The following KIAA1217 variants were observed in gnomAD, a reference collection of about 807,000 sequenced individuals.
The protein encoded by KIAA1217 is sickle tail protein homolog.
In KIAA1217, 88 loss-of-function variants were observed where a neutral mutation model predicts 163.9. The ratio of observed to expected loss-of-function variants is 0.54; its 90% CI spans 0.45 to 0.64. KIAA1217 has a LOEUF of 0.64. Ranked by LOEUF, KIAA1217 falls within the 30% of genes least tolerant of loss-of-function variation. The pLI is 0.00. For missense variants in KIAA1217, 2,372 were observed against 2,475.0 expected (o/e 0.96, Z 0.88); for synonymous variants, 903 against 923.1 (o/e 0.98, Z 0.39).
chr10:24,210,984 A>C (rs2068004397), intron 1 of KIAA1217, among the ~76,000 whole-genome samples: 1 of 151,586 alleles, frequency 6.6e-6, no homozygotes, highest in Non-Finnish European at 1.5e-5. Flanking sequence ...CATATTTGGG[A>C]TATACTTATG....
At chr10:23,910,137 G>A (rs138370966) in intron 1 of KIAA1217, among the ~76,000 whole-genome samples, 5,064 of 151,944 alleles carry the variant, frequency 0.033, 111 homozygotes, top group Middle Eastern at 0.12. Context: ...CATCACACAC[G>A]GGGGCCTGTC....
At chr10:23,949,681 T>C (rs1844240121) in intron 1 of KIAA1217, among the ~76,000 whole-genome samples, 1 of 152,224 alleles carries the variant, frequency 6.6e-6, no homozygotes, top group African/African-American at 2.4e-5. Context: ...AAGTCATTTA[T>C]GATCATGATA....
At chr10:24,118,151 TA>T (rs75931103) in intron 2 of KIAA1217, among the ~76,000 whole-genome samples, 6,329 of 123,226 alleles carry the variant, frequency 0.051, 128 homozygotes, top group Admixed American at 0.061. Context: ...AAATAACGGT[TA>T]AAAAAAAAAA....
At chr10:24,165,991 C>A (rs2065325928) in intron 2 of KIAA1217, among the ~76,000 whole-genome samples, 1 of 152,160 alleles carries the variant, frequency 6.6e-6, no homozygotes, top group Admixed American at 6.5e-5. Flanking sequence ...AGTTGCCTTT[C>A]TTCTTCCATG....
intron 2 of KIAA1217, among the ~76,000 whole-genome samples, chr10:24,147,205 A>C (rs752333692): frequency 2.0e-5 from 3 of 152,198 alleles, no homozygotes; most frequent in Non-Finnish European, 4.4e-5. Context: ...CATTGCAGAC[A>C]TCAAAGAAGT....
Position 24,405,753 on chromosome 10 carries a change from C to T in KIAA1217, c.553+24686C>T, listed in dbSNP as rs549539177. On this transcript the variant is annotated intron_variant, in intron 3 of 20. Transcript: ENST00000376454. Reference sequence around the variant, plus strand: ...CTTTTTATTGAAGAGAAACAAATGCCAAACAGGGGGTGAATAAAGTACAAG... The same window carrying T: ...CTTTTTATTGAAGAGAAACAAATGCTAAACAGGGGGTGAATAAAGTACAAG... 7.9e-5 allele frequency among the ~76,000 whole-genome samples: 12 copies of T among 152,236 alleles called. No homozygotes were observed. The South Asian group carries it at 2.5e-3, about 32-fold the overall frequency.
At chr10:24,525,998 A>G (rs1233277626) in intron 13 of KIAA1217, among the ~76,000 whole-genome samples, 3 of 152,224 alleles carry the variant, frequency 2.0e-5, no homozygotes, top group East Asian at 1.9e-4. Context: ...CTTAAAAATC[A>G]TAAGATCAAA....
chr10:24,026,742 A>ATTTTTTTTTTTTTTTTTTTTTTTTTTTT, intron 2 of KIAA1217, among the ~76,000 whole-genome samples: 7 of 70,084 alleles, frequency 1.0e-4, no homozygotes, highest in African/African-American at 1.2e-4. Flanking sequence ...TATTTCATTG[A>ATTTTTTTTTTTTTTTTTTTTTTTTTTTT]TTTTTTTTTT....
At chr10:24,189,127 A>G (rs2066592533) in intron 2 of KIAA1217, among the ~76,000 whole-genome samples, 1 of 151,764 alleles carries the variant, frequency 6.6e-6, no homozygotes, top group African/African-American at 2.4e-5. Flanking sequence ...AAAGAAAAGA[A>G]AAAGAAAGCT....
intron 2 of KIAA1217, among the ~76,000 whole-genome samples, chr10:24,136,232 A>C (rs2131820410): frequency 6.6e-6 from 1 of 152,266 alleles, no homozygotes; most frequent in Non-Finnish European, 1.5e-5. Context: ...TTTGTGCTAT[A>C]GTTTCCGGCA....
chr10:23,997,558 G>T (rs1021023081), intron 1 of KIAA1217, among the ~76,000 whole-genome samples: 1 of 152,128 alleles, frequency 6.6e-6, no homozygotes, highest in African/African-American at 2.4e-5. Flanking sequence ...ATAGGAAGAC[G>T]CTCAGGCTGG....
intron 1 of KIAA1217, among the ~76,000 whole-genome samples, chr10:23,988,971 C>T (rs1846098529): frequency 6.6e-6 from 1 of 152,122 alleles, no homozygotes; most frequent in African/African-American, 2.4e-5. Flanking sequence ...TACGTAATAC[C>T]TTGATATAAA....
chr10:23,726,987 T>G (rs905889540), intron 1 of KIAA1217, among the ~76,000 whole-genome samples: 2 of 125,840 alleles, frequency 1.6e-5, no homozygotes, highest in Non-Finnish European at 3.3e-5. Context: ...CTCTTTTTTT[T>G]TTTTTTTTTT....
At chr10:24,498,815 CA>C (rs895052860) in intron 8 of KIAA1217, among the ~76,000 whole-genome samples, 19 of 152,076 alleles carry the variant, frequency 1.2e-4, no homozygotes, top group Admixed American at 8.5e-4. Flanking sequence ...CATGTTAAAA[CA>C]AAAAAATTGC....
At chr10:24,390,475 G>GGGAAGGAA (rs71397945) in intron 3 of KIAA1217, among the ~76,000 whole-genome samples, 1,870 of 106,960 alleles carry the variant, frequency 0.017, 32 homozygotes, top group Non-Finnish European at 0.022. Flanking sequence ...GAGGGAGGGA[G>GGGAAGGAA]GGAAGGAAGG....
chr10:23,889,269 C>T (rs996019572), intron 1 of KIAA1217, among the ~76,000 whole-genome samples: 9 of 151,872 alleles, frequency 5.9e-5, no homozygotes, highest in Admixed American at 4.6e-4. Flanking sequence ...TACGCTCCTA[C>T]CTGAAATGTA....
chr10:24,100,198 TGTTA>T (rs1283447653), intron 2 of KIAA1217, among the ~76,000 whole-genome samples: 1 of 152,076 alleles, frequency 6.6e-6, no homozygotes, highest in Non-Finnish European at 1.5e-5. Flanking sequence ...GCTGCTATTA[TGTTA>T]GTTAGGTTGG....
At position 24,473,968 on chromosome 10, in the gene KIAA1217, A is replaced by G. The variant is rs370361325; in HGVS notation, c.1587A>G (p.Gly529=). The change falls in exon 6 of 21, where the codon GGA becomes GGG. Residue 529 remains glycine, a synonymous_variant. Coordinates refer to ENST00000376454, the MANE Select transcript of KIAA1217 (RefSeq NM_019590.5). ...VYIEKPRSAA[G]LSSLVDLGPP... is the part of the protein sequence containing the mutation. ...TAGAAAAGCCACGGAGCGCTGCAGG[A>G]TTATCCAGCCTTGTAGACCTCGGCC... The G allele has an allele frequency of 1.4e-5, 22 of 1,614,050 alleles. No homozygotes were observed. In the African/African-American group the frequency reaches 2.8e-4, roughly 21 times the overall value.
chr10:24,226,353 G>A (rs747471963), intron 2 of KIAA1217, among the ~76,000 whole-genome samples: 1 of 152,244 alleles, frequency 6.6e-6, no homozygotes, highest in East Asian at 1.9e-4. Flanking sequence ...CTGACTGGGT[G>A]CGGTGGCTCA....
Sources: allele counts gnomAD v4.1 joint callset (sites outside exome capture counted in the v4.1 genomes callset), GRCh38; gene constraint gnomAD v4.1.1; transcripts MANE v1.5; gene names NCBI Gene and HGNC (gene_info 2026-07-23, HGNC 2026-07-21).